ASIC2: variants seen among roughly 807,000 people sequenced by gnomAD.
ASIC2 encodes acid sensing ion channel subunit 2.
A neutral mutation model predicts 57.3 loss-of-function variants in ASIC2; 25 were observed. That is an observed-to-expected ratio of 0.44 (90% CI 0.32 to 0.61). The LOEUF is 0.61. Ranked by LOEUF, ASIC2 falls within the 20% of genes least tolerant of loss-of-function variation. The pLI is 0.06. For synonymous variants in ASIC2, 319 were observed against 307.5 expected (o/e 1.04, Z -0.39); for missense variants, 641 against 738.1 (o/e 0.87, Z 1.52).
chr17:33,682,825 T>G (rs1444687182), intron 1 of ASIC2, among the ~76,000 whole-genome samples: 1 of 152,234 alleles, frequency 6.6e-6, no homozygotes. Context: ...CTTTGGAGAA[T>G]GGTGCTTCCC....
intron 1 of ASIC2, among the ~76,000 whole-genome samples, chr17:33,178,776 G>A (rs1409896735): frequency 6.6e-6 from 1 of 152,246 alleles, no homozygotes; most frequent in Non-Finnish European, 1.5e-5. Context: ...GCCCCATGCA[G>A]GCAGGGGAAG....
chr17:33,246,401 C>T (rs1908690555), intron 1 of ASIC2, among the ~76,000 whole-genome samples: 1 of 152,192 alleles, frequency 6.6e-6, no homozygotes, highest in Admixed American at 6.5e-5. Context: ...GCGCCTAACA[C>T]ACTGTGCTCT....
chr17:33,694,569 A>G (rs1209412004), intron 1 of ASIC2, among the ~76,000 whole-genome samples: 1 of 152,144 alleles, frequency 6.6e-6, no homozygotes, highest in Admixed American at 6.5e-5. Context: ...CTCAGATTTT[A>G]CCTCTTCTCT....
intron 1 of ASIC2, among the ~76,000 whole-genome samples, chr17:34,131,508 G>C (rs1567833040): frequency 6.6e-6 from 1 of 152,146 alleles, no homozygotes; most frequent in South Asian, 2.1e-4. Context: ...CAGCCACAGA[G>C]GCTCCAGGGC....
At chr17:33,514,107 T>A (rs914715711) in intron 1 of ASIC2, among the ~76,000 whole-genome samples, 2 of 152,312 alleles carry the variant, frequency 1.3e-5, no homozygotes, top group Non-Finnish European at 2.9e-5. Flanking sequence ...TGTAGGCAGT[T>A]TTCTCAGGTA....
chr17:33,956,997 G>T (rs543756252), intron 1 of ASIC2, among the ~76,000 whole-genome samples: 11 of 152,336 alleles, frequency 7.2e-5, no homozygotes, highest in Middle Eastern at 3.4e-3. Context: ...TGCCCTGACT[G>T]CTCACCTGGC....
intron 1 of ASIC2, among the ~76,000 whole-genome samples, chr17:33,473,333 G>A (rs149593913): frequency 9.5e-4 from 144 of 152,316 alleles, no homozygotes; most frequent in African/African-American, 3.3e-3. Flanking sequence ...ACATCCCATC[G>A]GCTTACCACT....
intron 1 of ASIC2, among the ~76,000 whole-genome samples, chr17:33,515,425 T>C (rs1914536035): frequency 6.6e-6 from 1 of 152,226 alleles, no homozygotes; most frequent in Non-Finnish European, 1.5e-5. Context: ...ACTCACTCCA[T>C]GGCCTATGGG....
At chr17:33,025,887 C>T (rs182391781) in intron 5 of ASIC2, 39 bp downstream of exon 5, 13 of 1,556,264 alleles carry the variant, frequency 8.4e-6, no homozygotes, top group African/African-American at 2.8e-5. Flanking sequence ...GTCTCAGGCC[C>T]CCGGCCCCCA....
chr17:33,548,734 T>C (rs1915656778), intron 1 of ASIC2, among the ~76,000 whole-genome samples: 1 of 152,156 alleles, frequency 6.6e-6, no homozygotes, highest in Non-Finnish European at 1.5e-5. Context: ...TTCCCCACCT[T>C]GCCCATTCCA....
chr17:33,519,056 G>A (rs985793139), intron 1 of ASIC2, among the ~76,000 whole-genome samples: 6 of 152,002 alleles, frequency 3.9e-5, no homozygotes, highest in African/African-American at 9.7e-5. Context: ...TCCTGACCTC[G>A]TGATCCGCCC....
intron 1 of ASIC2, among the ~76,000 whole-genome samples, chr17:33,115,246 G>T (rs1201407277): frequency 2.0e-5 from 3 of 152,170 alleles, no homozygotes; most frequent in African/African-American, 7.2e-5. Flanking sequence ...CTTGGTCAAG[G>T]GTGGCGGTCA....
intron 1 of ASIC2, among the ~76,000 whole-genome samples, chr17:33,894,356 T>C (rs554801355): frequency 4.9e-4 from 25 of 51,128 alleles, no homozygotes; most frequent in East Asian, 4.4e-3. Flanking sequence ...CGTGCGTGTG[T>C]GTGTGTGTGT....
At chr17:33,386,049 C>A (rs1383777446) in intron 1 of ASIC2, among the ~76,000 whole-genome samples, 2 of 152,224 alleles carry the variant, frequency 1.3e-5, no homozygotes, top group Non-Finnish European at 2.9e-5. Flanking sequence ...ACTTATCTAA[C>A]AGACTGAAGG....
At chr17:33,599,132 GGTCA>G (rs1905061875) in intron 1 of ASIC2, among the ~76,000 whole-genome samples, 1 of 152,218 alleles carries the variant, frequency 6.6e-6, no homozygotes, top group Non-Finnish European at 1.5e-5. Context: ...TTGTGAAGAG[GGTCA>G]GTAAGATCAT....
intron 1 of ASIC2, among the ~76,000 whole-genome samples, chr17:33,523,278 A>G (rs897200815): frequency 1.3e-5 from 2 of 152,078 alleles, no homozygotes; most frequent in Non-Finnish European, 2.9e-5. Context: ...ACTTTTTGAG[A>G]TGGAGTCTCA....
rs534024375 is a variant in ASIC2 at position 33,702,235 on chromosome 17, G to A, written c.555+453743C>T. On this transcript the variant is annotated intron_variant, in intron 1 of 9. Transcript: ENST00000359872. ...CTCTCCCAATTGTTGTAAGGATCAAGTAACTTAGCACAATGCTAGGCATAT... is the reference window on the plus strand; with the variant it reads ...CTCTCCCAATTGTTGTAAGGATCAAATAACTTAGCACAATGCTAGGCATAT... 4.7e-4 allele frequency among the ~76,000 whole-genome samples: 71 copies of A among 152,340 alleles called. 1 individual carries two copies. The highest frequency in any genetic ancestry group is 4.1e-3 in the Admixed American group (62 of 15,302).
chr17:33,875,675 A>G (rs1023227974), intron 1 of ASIC2, among the ~76,000 whole-genome samples: 1 of 152,078 alleles, frequency 6.6e-6, no homozygotes, highest in Non-Finnish European at 1.5e-5. Flanking sequence ...GCCCTCCCCA[A>G]CTTCTATCTG....
chr17:33,398,206 A>G lies in ASIC2; in HGVS notation c.556-286139T>C, dbSNP rs902166232. Among the ~76,000 whole-genome samples, 2 of 152,220 alleles carry G rather than the reference A, an allele frequency of 1.3e-5. 1 individual carries two copies. The highest frequency in any genetic ancestry group is 4.1e-4 in the South Asian group (2 of 4,824). ...TCTTCCCCTTCTACATTAGAACAAAAGCTCCAAGAAGTTAAGAATCTTTTC... is the reference window on the plus strand; with the variant it reads ...TCTTCCCCTTCTACATTAGAACAAAGGCTCCAAGAAGTTAAGAATCTTTTC... On this transcript the variant is annotated intron_variant, in intron 1 of 9. Transcript: ENST00000359872.
Sources: gnomAD v4.1 joint callset for allele counts (sites outside exome capture counted in the v4.1 genomes callset) on GRCh38, gnomAD v4.1.1 for gene constraint, MANE v1.5 for transcripts, NCBI Gene and HGNC (gene_info 2026-07-23, HGNC 2026-07-21) for gene names.